Variants in PARD3B observed in about 807,000 individuals in gnomAD.
PARD3B encodes the protein par-3 family cell polarity regulator beta, also known as partitioning defective 3 homolog B.
Under a neutral mutation model 130.2 loss-of-function variants are expected in PARD3B, and 103 were observed. The ratio of observed to expected loss-of-function variants is 0.79; its 90% CI spans 0.67 to 0.93. PARD3B has a LOEUF of 0.93. Ranked by LOEUF, PARD3B falls within the 40% of genes least tolerant of loss-of-function variation. The pLI is 0.00. For synonymous variants in PARD3B, 583 were observed against 553.2 expected (o/e 1.05, Z -0.76); for missense variants, 1,609 against 1,499.2 (o/e 1.07, Z -1.21).
chr2:205,507,700 T>A (rs2050427290), intron 21 of PARD3B, among the ~76,000 whole-genome samples: 1 of 152,138 alleles, frequency 6.6e-6, no homozygotes, highest in Non-Finnish European at 1.5e-5. Flanking sequence ...CTACGACAAC[T>A]TCGAGTTCTA....
chr2:205,003,780 T>C (rs868635229), intron 3 of PARD3B, among the ~76,000 whole-genome samples: 1 of 152,196 alleles, frequency 6.6e-6, no homozygotes, highest in Non-Finnish European at 1.5e-5. Flanking sequence ...CAATAAATAT[T>C]TGTGGAATAA....
At chr2:205,094,186 G>A (rs887094412) in intron 4 of PARD3B, among the ~76,000 whole-genome samples, 6 of 152,128 alleles carry the variant, frequency 3.9e-5, no homozygotes, top group Non-Finnish European at 7.4e-5. Context: ...CTTATAAGCT[G>A]TGAAATTGTT....
chr2:205,543,725 T>C (rs2052267497), intron 21 of PARD3B, among the ~76,000 whole-genome samples: 2 of 152,208 alleles, frequency 1.3e-5, no homozygotes, highest in Admixed American at 6.5e-5. Context: ...GGTAGCACGA[T>C]TGCAACTCAT....
intron 3 of PARD3B, among the ~76,000 whole-genome samples, chr2:205,034,551 A>G (rs985364865): frequency 1.3e-5 from 2 of 152,170 alleles, no homozygotes; most frequent in Non-Finnish European, 1.5e-5. Context: ...GAGACAAAAT[A>G]CAACTACATA....
intron 2 of PARD3B, among the ~76,000 whole-genome samples, chr2:204,778,852 C>T (rs774158953): frequency 2.6e-5 from 4 of 152,040 alleles, no homozygotes; most frequent in African/African-American, 7.2e-5. Context: ...TCATCCTATG[C>T]GTACGTCCGA....
intron 2 of PARD3B, among the ~76,000 whole-genome samples, chr2:204,949,048 G>A (rs1346253949): frequency 2.0e-5 from 3 of 152,126 alleles, no homozygotes; most frequent in African/African-American, 7.2e-5. Flanking sequence ...AGAATGGCAG[G>A]CATCTTTACT....
At chr2:205,171,163 T>TAGCAGC (rs559164476) in intron 11 of PARD3B, among the ~76,000 whole-genome samples, 2 of 152,144 alleles carry the variant, frequency 1.3e-5, no homozygotes, top group African/African-American at 4.8e-5. Context: ...TTGACTTTAT[T>TAGCAGC]AGCAGCAGCA....
At chr2:204,918,271 C>G (rs1343284264) in intron 2 of PARD3B, among the ~76,000 whole-genome samples, 1 of 152,176 alleles carries the variant, frequency 6.6e-6, no homozygotes, top group Non-Finnish European at 1.5e-5. Context: ...CATTATAATG[C>G]TTGATAGTGT....
chr2:204,556,206 A>G (rs2030912579), intron 1 of PARD3B, among the ~76,000 whole-genome samples: 1 of 152,206 alleles, frequency 6.6e-6, no homozygotes, highest in African/African-American at 2.4e-5. Context: ...TAGTAGCTGA[A>G]AATACCACTC....
intron 2 of PARD3B, among the ~76,000 whole-genome samples, chr2:204,755,951 G>A (rs897057623): frequency 7.9e-5 from 12 of 152,030 alleles, no homozygotes; most frequent in Non-Finnish European, 1.6e-4. Flanking sequence ...TTTTGGTTGG[G>A]GCAAGAGTAG....
At chr2:205,211,334 G>T (rs974774063) in intron 15 of PARD3B, among the ~76,000 whole-genome samples, 1 of 151,888 alleles carries the variant, frequency 6.6e-6, no homozygotes, top group African/African-American at 2.4e-5. Context: ...TAGATGTATG[G>T]ATGCGAAAGT....
chr2:204,994,749 T>G (rs1227433325), intron 3 of PARD3B, among the ~76,000 whole-genome samples: 1 of 145,634 alleles, frequency 6.9e-6, no homozygotes, highest in African/African-American at 2.5e-5. Flanking sequence ...ACTTGCTTTA[T>G]GAATCTGGGT....
intron 2 of PARD3B, among the ~76,000 whole-genome samples, chr2:204,830,204 G>A (rs1175912601): frequency 2.6e-5 from 4 of 152,108 alleles, no homozygotes; most frequent in South Asian, 2.1e-4. Context: ...CCCAGTCTCA[G>A]TAGTTCTTTA....
intron 22 of PARD3B, among the ~76,000 whole-genome samples, chr2:205,595,689 T>C (rs1028502511): frequency 6.6e-6 from 1 of 152,208 alleles, no homozygotes; most frequent in Non-Finnish European, 1.5e-5. Flanking sequence ...ACAGTTTTCT[T>C]TGATTTGTTC....
At chr2:204,818,790 A>G (rs1172560711) in intron 2 of PARD3B, among the ~76,000 whole-genome samples, 1 of 152,214 alleles carries the variant, frequency 6.6e-6, no homozygotes, top group Non-Finnish European at 1.5e-5. Context: ...GGAACTTTTT[A>G]TTAGTATCTC....
intron 2 of PARD3B, among the ~76,000 whole-genome samples, chr2:204,705,346 A>T (rs1353885618): frequency 6.6e-6 from 1 of 152,202 alleles, no homozygotes; most frequent in African/African-American, 2.4e-5. Flanking sequence ...ATGCTTGGTA[A>T]TGGCTATAAA....
chr2:204,696,588 G>A (rs372995598), intron 2 of PARD3B, among the ~76,000 whole-genome samples: 30 of 152,078 alleles, frequency 2.0e-4, no homozygotes, highest in East Asian at 5.8e-4. Context: ...TATATAAACC[G>A]CTTGTACTTA....
At chr2:205,484,119 G>A (rs745685680) in intron 20 of PARD3B, among the ~76,000 whole-genome samples, 4 of 152,142 alleles carry the variant, frequency 2.6e-5, no homozygotes, top group Non-Finnish European at 4.4e-5. Flanking sequence ...GGGAAACAAG[G>A]ACAGTCACCC....
intron 2 of PARD3B, among the ~76,000 whole-genome samples, chr2:204,786,971 T>C (rs1389028129): frequency 6.6e-6 from 1 of 152,106 alleles, no homozygotes; most frequent in East Asian, 1.9e-4. Context: ...TCTGGACGTA[T>C]GGGATGTCAA....
Sources: allele counts gnomAD v4.1 joint callset (sites outside exome capture counted in the v4.1 genomes callset), GRCh38; gene constraint gnomAD v4.1.1; transcripts MANE v1.5; gene names NCBI Gene and HGNC (gene_info 2026-07-23, HGNC 2026-07-21).